The following EXOC2 variants were observed in gnomAD, a reference collection of about 807,000 sequenced individuals.
The protein encoded by EXOC2 is SEC5-like 1.
Under a neutral mutation model 131.8 loss-of-function variants are expected in EXOC2, and 70 were observed. The ratio of observed to expected loss-of-function variants is 0.53; its 90% CI spans 0.44 to 0.65. The LOEUF (loss-of-function observed/expected upper bound fraction) is 0.65, where lower values mean the gene tolerates loss of function less well. EXOC2 is among the 30% of genes least tolerant of loss of function. The pLI is 0.00. For synonymous variants in EXOC2, 411 were observed against 398.4 expected (o/e 1.03, Z -0.38); for missense variants, 923 against 1,108.6 (o/e 0.83, Z 2.38).
intron 1 of EXOC2, among the ~76,000 whole-genome samples, chr6:677,934 T>TCACACA (rs1554150218): frequency 0.014 from 2,113 of 147,296 alleles, 48 homozygotes; most frequent in African/African-American, 0.048. Flanking sequence ...TTATAATCTC[T>TCACACA]CACACACACA....
At position 604,179 on chromosome 6, in the gene EXOC2, T is replaced by C. The variant is rs540570020; in HGVS notation, c.743-4954A>G. ...CTCAGGAATCTCAAATTCAACATGT[T>C]GAACTGAATGTTCTCATCTCTATGC... On this transcript the variant is annotated intron_variant, in intron 7 of 27. Coordinates refer to ENST00000230449, the MANE Select transcript of EXOC2 (RefSeq NM_018303.6). 3.7e-4 allele frequency among the ~76,000 whole-genome samples: 57 copies of C among 152,326 alleles called. 1 individual carries two copies. The highest frequency in any genetic ancestry group is 1.3e-3 in the African/African-American group (55 of 41,566).
At chr6:624,781 A>T (rs949863816) in intron 4 of EXOC2, among the ~76,000 whole-genome samples, 1 of 152,244 alleles carries the variant, frequency 6.6e-6, no homozygotes, top group African/African-American at 2.4e-5. Flanking sequence ...CAGGAAAGGA[A>T]GAGGTAGTAT....
chr6:667,532 G>A lies in EXOC2; in HGVS notation c.-44+25487C>T. Among the ~76,000 whole-genome samples, 2 of 97,108 alleles carry A rather than the reference G, an allele frequency of 2.1e-5. 1 individual carries two copies. Among genetic ancestry groups the A allele is most frequent in the Non-Finnish European group, 4.9e-5 (2 of 41,058 alleles). The allele number at this position is 97,108 out of a possible 152,430, so 63.7% of individuals were successfully genotyped here. On this transcript the variant is annotated intron_variant, in intron 1 of 27. Coordinates refer to ENST00000230449, the MANE Select transcript of EXOC2 (RefSeq NM_018303.6). ...TGAGCAGGCACCACAAAGCCGCTGAGGGTCTTGATCAAAGAAAAAGGCAGA... is the reference window on the plus strand; with the variant it reads ...TGAGCAGGCACCACAAAGCCGCTGAAGGTCTTGATCAAAGAAAAAGGCAGA...
At chr6:537,943 G>C (rs1162585237) in intron 22 of EXOC2, among the ~76,000 whole-genome samples, 1 of 152,206 alleles carries the variant, frequency 6.6e-6, no homozygotes, top group Admixed American at 6.5e-5. Context: ...CAGGGCACAA[G>C]GGAAGGTTTT....
At position 677,934 on chromosome 6, in the gene EXOC2, T is replaced by TCTCATA. The variant is rs111239666; in HGVS notation, c.-44+15084_-44+15085insTATGAG. 1.1e-4 allele frequency among the ~76,000 whole-genome samples: 16 copies of TCTCATA among 147,310 alleles called. No individual in the cohort carries two copies. In the East Asian group the frequency reaches 2.6e-3, roughly 24 times the overall value. The stretch of plus-strand genomic sequence containing the variant: ...CATCAGGGGCTGTGCTTATAATCTC[T>TCTCATA]CACACACACACACACACACACACAC... On this transcript the variant is annotated intron_variant, in intron 1 of 27. Coordinates refer to ENST00000230449, the MANE Select transcript of EXOC2 (RefSeq NM_018303.6).
intron 7 of EXOC2, among the ~76,000 whole-genome samples, chr6:602,608 T>C (rs56245033): frequency 0.061 from 9,332 of 152,338 alleles, 420 homozygotes; most frequent in Non-Finnish European, 0.09. Flanking sequence ...TTTGGCCTCA[T>C]AGGCTGTAGG....
intron 12 of EXOC2, among the ~76,000 whole-genome samples, chr6:575,622 G>C (rs952363142): frequency 6.6e-6 from 1 of 152,160 alleles, no homozygotes; most frequent in Non-Finnish European, 1.5e-5. Flanking sequence ...CCGGCGCAAT[G>C]CTTCCTGTAC....
Position 486,271 on chromosome 6 carries a change from C to G in EXOC2, c.*400G>C. 6.1e-6 allele frequency: 1 copy of G among 164,966 alleles called. No homozygotes were observed. Among genetic ancestry groups the G allele is most frequent in the South Asian group, 1.8e-4 (1 of 5,490 alleles). The allele number at this position is 164,966 out of a possible 1,614,324, so 10.2% of individuals were successfully genotyped here. A position where few individuals can be genotyped will look rare whatever the true frequency, so the allele number is the denominator to read the frequency against. ...CTACATAGCTTTCCAAATCTCGTAT[C>G]AGTCAGTCTCTCCGTGTGTCGTGGG... On this transcript the variant is annotated 3_prime_UTR_variant, in exon 28 of 28. Coordinates refer to ENST00000230449, the MANE Select transcript of EXOC2 (RefSeq NM_018303.6).
At chr6:609,967 A>C in intron 7 of EXOC2, 131 bp downstream of exon 7, 1 of 654,290 alleles carries the variant, frequency 1.5e-6, no homozygotes, top group South Asian at 2.1e-5. Context: ...GTGTTCATTA[A>C]ATCACTACTA....
chr6:568,903 T>G (rs773453225), intron 13 of EXOC2, among the ~76,000 whole-genome samples: 2 of 152,160 alleles, frequency 1.3e-5, no homozygotes, highest in Non-Finnish European at 2.9e-5. Flanking sequence ...CATGAGGAAA[T>G]GTACTGGACA....
chr6:528,089 C>G (rs1405896424), intron 23 of EXOC2, among the ~76,000 whole-genome samples: 1 of 152,084 alleles, frequency 6.6e-6, no homozygotes, highest in South Asian at 2.1e-4. Context: ...CTAGAATAAT[C>G]TTTACTGACA....
chr6:532,345 A>G, intron 23 of EXOC2, 124 bp downstream of exon 23: 1 of 1,099,510 alleles, frequency 9.1e-7, no homozygotes, highest in East Asian at 2.9e-5. Flanking sequence ...AAAAGTTAAA[A>G]TCAAATTAAT....
intron 1 of EXOC2, among the ~76,000 whole-genome samples, chr6:665,667 A>C (rs116603961): frequency 0.039 from 5,990 of 152,272 alleles, 185 homozygotes; most frequent in African/African-American, 0.084. Flanking sequence ...TTCTAAGAGA[A>C]GTAAATCAGG....
intron 11 of EXOC2, among the ~76,000 whole-genome samples, chr6:580,392 C>A (rs1396963715): frequency 1.3e-5 from 2 of 152,194 alleles, no homozygotes; most frequent in South Asian, 4.2e-4. Context: ...TTTGACTCTG[C>A]CCTTTTCAAA....
intron 4 of EXOC2, among the ~76,000 whole-genome samples, chr6:623,979 C>A (rs780314767): frequency 6.6e-6 from 1 of 152,146 alleles, no homozygotes; most frequent in Non-Finnish European, 1.5e-5. Flanking sequence ...ACTCAACCAA[C>A]CTTTGGAGTC....
chr6:531,729 T>C (rs1029396217), intron 23 of EXOC2, among the ~76,000 whole-genome samples: 37 of 152,248 alleles, frequency 2.4e-4, no homozygotes, highest in African/African-American at 8.7e-4. Context: ...TATCTGCATA[T>C]GTACACCCAT....
At chr6:518,297 G>A (rs796563832) in intron 23 of EXOC2, among the ~76,000 whole-genome samples, 26 of 152,322 alleles carry the variant, frequency 1.7e-4, no homozygotes, top group African/African-American at 5.8e-4. Flanking sequence ...AAGACTGGCT[G>A]TGAGATGATC....
rs59493114 is a variant in EXOC2, at chr6:507,358, C to CCACA, written c.2381-7662_2381-7659dup. On this transcript the variant is annotated intron_variant, in intron 23 of 27. Transcript: ENST00000230449. Reference sequence around the variant, plus strand: ...CCCCACACACACCACAGCAGTGACCCCACACACACACACACACACACAGAG... The same window carrying CCACA: ...CCCCACACACACCACAGCAGTGACCCCACACACACACACACACACACACACAGAG... Among the ~76,000 whole-genome samples, 456 of 131,386 alleles carry CCACA rather than the reference C, an allele frequency of 3.5e-3. 20 individuals carry two copies. The highest frequency in any genetic ancestry group is 0.012 in the African/African-American group (402 of 34,276). The allele number at this position is 131,386 out of a possible 152,430, so 86.2% of individuals were successfully genotyped here.
rs1057030076 is a variant in EXOC2 at position 499,557 on chromosome 6, A to T, written c.2436+88T>A. 2.6e-6 allele frequency: 3 copies of T among 1,154,746 alleles called. No individual in the cohort carries two copies. In the African/African-American group the frequency reaches 4.7e-5, roughly 18 times the overall value. 71.5% of individuals were successfully genotyped at this position (1,154,746 alleles called of 1,614,324 possible). ...AGACACATTCTGAGGGAAAAAAAAG[A>T]CCACCATAGAAATAATCAAATTTAC... On this transcript the variant is annotated intron_variant, in intron 24 of 27. Transcript: ENST00000230449.
Sources: gnomAD v4.1 joint callset for allele counts (sites outside exome capture counted in the v4.1 genomes callset) on GRCh38, gnomAD v4.1.1 for gene constraint, MANE v1.5 for transcripts, NCBI Gene and HGNC (gene_info 2026-07-23, HGNC 2026-07-21) for gene names.